GRIN2B: variants seen among roughly 807,000 people sequenced by gnomAD.
The protein encoded by GRIN2B is glutamate ionotropic receptor NMDA type subunit 2B, also known as glutamate receptor ionotropic, NMDA 2B.
In GRIN2B, 5 loss-of-function variants were observed where a neutral mutation model predicts 114.5. That is an observed-to-expected ratio of 0.04 (90% CI 0.02 to 0.09). The LOEUF (loss-of-function observed/expected upper bound fraction) is 0.09. Ranked by LOEUF, GRIN2B falls within the 10% of genes least tolerant of loss-of-function variation. GRIN2B has a pLI of 1.00. For missense variants in GRIN2B, 1,108 were observed against 1,943.5 expected (o/e 0.57, Z 8.08); for synonymous variants, 787 against 745.1 (o/e 1.06, Z -0.92).
Position 13,615,653 on chromosome 12 carries a change from T to C in GRIN2B, c.1340A>G (p.Asp447Gly), listed in dbSNP as rs777940618. 3.7e-6 allele frequency: 6 copies of C among 1,613,212 alleles called. No homozygotes were observed. The South Asian group carries it at 6.6e-5, about 18-fold the overall frequency. The change falls in exon 7 of 14, where the codon GAC (aspartate) becomes GGC (glycine). Residue 447 changes from aspartate to glycine, a missense_variant. Coordinates refer to ENST00000609686, the MANE Select transcript of GRIN2B (RefSeq NM_000834.5). The surrounding 1 kb of genome is among the most constrained non-coding windows in gnomAD (Gnocchi z 5.8). The stretch of plus-strand genomic sequence containing the variant: ...TTTTTTGATGTAACCCGGCTCCTCG[T>C]CTGTTTTATTCCTAGCCAATTAAAG... ...QKRIVTENKT[D>G]EEPGYIKKCC...
chr12:13,723,812 TA>T (rs1052787269), intron 4 of GRIN2B, among the ~76,000 whole-genome samples: 1 of 151,992 alleles, frequency 6.6e-6, no homozygotes, highest in African/African-American at 2.4e-5. Context: ...TTTCAAGTCT[TA>T]AAAAAATAAA....
intron 3 of GRIN2B, among the ~76,000 whole-genome samples, chr12:13,812,005 A>G (rs964455173): frequency 7.2e-5 from 11 of 152,238 alleles, no homozygotes; most frequent in African/African-American, 2.7e-4. Context: ...TATAGTTTTC[A>G]TTAGATTCTC....
In GRIN2B at chr12:13,760,044, C is replaced by T. The variant is rs115514508; in HGVS notation, c.412-6129G>A. Reference sequence around the variant, plus strand: ...AAAATCTTGCCTTCCCAACAAAGTGCTCTCAATCCTGACCACAACACGGAA... The same window carrying T: ...AAAATCTTGCCTTCCCAACAAAGTGTTCTCAATCCTGACCACAACACGGAA... On this transcript the variant is annotated intron_variant, in intron 3 of 13. Transcript: ENST00000609686. Among the ~76,000 whole-genome samples the T allele has an allele frequency of 2.9e-3, 448 of 152,348 alleles. 2 individuals are homozygous for T. The highest frequency in any genetic ancestry group is 0.01 in the African/African-American group (436 of 41,578).
chr12:13,917,211 G>A (rs913534582), intron 2 of GRIN2B, among the ~76,000 whole-genome samples: 1 of 152,078 alleles, frequency 6.6e-6, no homozygotes, highest in Non-Finnish European at 1.5e-5. Context: ...ATTAAAACAA[G>A]GCTCCAAATG....
chr12:13,567,348 A>G, intron 12 of GRIN2B, 85 bp from the exon 13 acceptor site: 1 of 838,228 alleles, frequency 1.2e-6, no homozygotes, highest in Non-Finnish European at 2.0e-6. Flanking sequence ...AGTATTGAGC[A>G]AGAAAGAGAA....
In GRIN2B at chr12:13,660,082, T is replaced by A. The variant is rs116419852; in HGVS notation, c.1125+15663A>T. ...GTTGCTCACAGCGAGGTGGCTGGCT[T>A]CCCTTAGAGCAAGGGATGCAAGAGA... On this transcript the variant is annotated intron_variant, in intron 5 of 13. Coordinates refer to ENST00000609686, the MANE Select transcript of GRIN2B (RefSeq NM_000834.5). Among the ~76,000 whole-genome samples the A allele has an allele frequency of 6.0e-3, 914 of 152,234 alleles. 11 individuals carry two copies. The highest frequency in any genetic ancestry group is 0.021 in the African/African-American group (852 of 41,528).
intron 3 of GRIN2B, among the ~76,000 whole-genome samples, chr12:13,841,192 T>C (rs1865372789): frequency 6.6e-6 from 1 of 152,172 alleles, no homozygotes; most frequent in Non-Finnish European, 1.5e-5. Context: ...CAATTCTCAT[T>C]GTATGGCTGA....
intron 9 of GRIN2B, among the ~76,000 whole-genome samples, 193 bp from the exon 10 acceptor site, chr12:13,609,025 G>T (rs1365996841): frequency 6.6e-6 from 1 of 152,140 alleles, no homozygotes; most frequent in East Asian, 1.9e-4. Flanking sequence ...GGCTGCAGAG[G>T]GTTCCTTAGG....
intron 4 of GRIN2B, among the ~76,000 whole-genome samples, chr12:13,702,524 A>G (rs1950322297): frequency 6.6e-6 from 1 of 152,216 alleles, no homozygotes; most frequent in Admixed American, 6.5e-5. Flanking sequence ...GCGGCTATCA[A>G]CTAAACCAGG....
intron 2 of GRIN2B, among the ~76,000 whole-genome samples, chr12:13,979,415 A>G (rs1022378465): frequency 6.6e-6 from 1 of 151,860 alleles, no homozygotes; most frequent in African/African-American, 2.4e-5. Context: ...AATCACAGTA[A>G]TCTCAATCAT....
intron 3 of GRIN2B, among the ~76,000 whole-genome samples, chr12:13,823,382 A>G (rs999969889): frequency 7.2e-5 from 11 of 152,048 alleles, no homozygotes; most frequent in African/African-American, 2.7e-4. Context: ...GGTCTTGAAT[A>G]TGTTGATATA....
intron 3 of GRIN2B, among the ~76,000 whole-genome samples, chr12:13,763,590 A>G (rs1206459787): frequency 2.6e-5 from 4 of 152,072 alleles, no homozygotes; most frequent in South Asian, 2.1e-4. Flanking sequence ...TGATTAGGGC[A>G]TTATTAGTGT....
intron 3 of GRIN2B, among the ~76,000 whole-genome samples, chr12:13,841,457 G>A (rs912974304): frequency 2.6e-5 from 4 of 152,096 alleles, no homozygotes; most frequent in African/African-American, 7.2e-5. Flanking sequence ...CCGCAATCCC[G>A]GAACCTCATC....
chr12:13,654,121 G>A (rs1163225989), intron 5 of GRIN2B, among the ~76,000 whole-genome samples: 2 of 152,140 alleles, frequency 1.3e-5, no homozygotes, highest in Non-Finnish European at 2.9e-5. Context: ...CCAGGGGTGG[G>A]CTGCTGAATA....
At chr12:13,574,963 A>T (rs1367051182) in intron 10 of GRIN2B, among the ~76,000 whole-genome samples, 2 of 152,240 alleles carry the variant, frequency 1.3e-5, no homozygotes, top group African/African-American at 4.8e-5. Context: ...TGGAGATAGG[A>T]TGGCCTTTAA....
In GRIN2B at chr12:13,569,779, G is replaced by A. The variant is rs751876386; in HGVS notation, c.2359+51C>T. ...AAGAAAAGGAAAGGTTGATGTTTTG[G>A]ACTGGCCATCAGTAGAGGACAAATG... On this transcript the variant is annotated intron_variant, in intron 12 of 13. Coordinates refer to ENST00000609686, the MANE Select transcript of GRIN2B (RefSeq NM_000834.5). 6 of 1,122,290 alleles carry A rather than the reference G, an allele frequency of 5.3e-6. No individual in the cohort carries two copies. The South Asian group carries it at 8.9e-5, about 17-fold the overall frequency. The allele number at this position is 1,122,290 out of a possible 1,614,324, so 69.5% of individuals were successfully genotyped here. A position where few individuals can be genotyped will look rare whatever the true frequency, so the allele number is the denominator to read the frequency against.
At chr12:13,881,637 G>A (rs1866073928) in intron 2 of GRIN2B, among the ~76,000 whole-genome samples, 1 of 152,112 alleles carries the variant, frequency 6.6e-6, no homozygotes, top group African/African-American at 2.4e-5. Flanking sequence ...TATATATTCA[G>A]GCCTAAGTCA....
intron 10 of GRIN2B, among the ~76,000 whole-genome samples, chr12:13,583,313 C>T (rs796620382): frequency 1.3e-5 from 2 of 152,180 alleles, no homozygotes; most frequent in African/African-American, 2.4e-5. Context: ...ACATAATTTA[C>T]GTATAGTAAC....
chr12:13,716,725 CT>C (rs1950458935), intron 4 of GRIN2B, among the ~76,000 whole-genome samples: 1 of 151,906 alleles, frequency 6.6e-6, no homozygotes, highest in Non-Finnish European at 1.5e-5. Flanking sequence ...ATATGATGAT[CT>C]TTAGGAAAAC....
Sources: allele counts gnomAD v4.1 joint callset (sites outside exome capture counted in the v4.1 genomes callset), GRCh38; gene constraint gnomAD v4.1.1; non-coding constraint Gnocchi (gnomAD v3.1); transcripts MANE v1.5; gene names NCBI Gene and HGNC (gene_info 2026-07-23, HGNC 2026-07-21).